The following NKAIN1 variants were observed in gnomAD, a reference collection of about 807,000 sequenced individuals.
NKAIN1 encodes the protein sodium/potassium transporting ATPase interacting 1, also known as sodium/potassium-transporting ATPase subunit beta-1-interacting protein 1.
In NKAIN1, 13 loss-of-function variants were observed where a neutral mutation model predicts 31.6. The ratio of observed to expected loss-of-function variants is 0.41; its 90% CI spans 0.27 to 0.65. The LOEUF is 0.65. Ranked by LOEUF, NKAIN1 falls within the 30% of genes least tolerant of loss-of-function variation. The pLI, the probability that NKAIN1 is intolerant of heterozygous loss-of-function variation, is 0.30. For missense variants in NKAIN1, 193 were observed against 262.2 expected (o/e 0.74, Z 1.82); for synonymous variants, 104 against 109.0 (o/e 0.95, Z 0.28).
At position 31,188,176 on chromosome 1, in the gene NKAIN1, C is replaced by A. The variant is rs533278447; in HGVS notation, c.66G>T (p.Leu22=). The A allele has an allele frequency of 7.1e-6, 11 of 1,551,526 alleles. No homozygotes were observed. The East Asian group carries it at 2.2e-4, about 31-fold the overall frequency. ...CCAGGAAGTCAAAGATCTGCCGCTC[C>A]AGCGCAGCCACCTGTGGAAGAGACA... ...AFCCLQLVAA[L]ERQIFDFLGY... is the part of the protein sequence containing the mutation. The change falls in exon 2 of 7, where the codon CTG becomes CTT. Residue 22 remains leucine, a synonymous_variant. Transcript: ENST00000373736.
At chr1:31,187,650 A>G (rs1181229286) in intron 2 of NKAIN1, among the ~76,000 whole-genome samples, 1 of 152,042 alleles carries the variant, frequency 6.6e-6, no homozygotes, top group East Asian at 1.9e-4. Flanking sequence ...TGCTTTCATT[A>G]GCTGTGTGAC....
At position 31,183,711 on chromosome 1, in the gene NKAIN1, G is replaced by A. The variant is rs561076757; in HGVS notation, c.471+106C>T. The A allele has an allele frequency of 3.5e-5, 43 of 1,213,874 alleles. No homozygotes were observed. The African/African-American group carries it at 4.5e-4, about 13-fold the overall frequency. The allele number at this position is 1,213,874 out of a possible 1,614,324, so 75.2% of individuals were successfully genotyped here. ...GATCCACCAGCCATGGCCTCCCAAAGTGCTGGGATTGCAGGCGTGAGCCAC... is the reference window on the plus strand; with the variant it reads ...GATCCACCAGCCATGGCCTCCCAAAATGCTGGGATTGCAGGCGTGAGCCAC... On this transcript the variant is annotated intron_variant, in intron 4 of 6. Transcript: ENST00000373736.
Position 31,239,478 on chromosome 1 carries a change from G to A in NKAIN1, c.54+16C>T, listed in dbSNP as rs1308013438. 3 of 1,441,194 alleles carry A rather than the reference G, an allele frequency of 2.1e-6. No homozygotes were observed. The highest frequency in any genetic ancestry group is 9.1e-7 in the Non-Finnish European group (1 of 1,102,232). 89.3% of individuals were successfully genotyped at this position (1,441,194 alleles called of 1,614,324 possible). ...CGCCCCACCCTGCCCCGACTGCCTGGGCACGCGACGCTTACCAGCTGCAGG... is the reference window on the plus strand; with the variant it reads ...CGCCCCACCCTGCCCCGACTGCCTGAGCACGCGACGCTTACCAGCTGCAGG... On this transcript the variant is annotated intron_variant, in intron 1 of 6. Transcript: ENST00000373736. This position sits in a 1 kb window ranked among gnomAD's most constrained non-coding sequence, Gnocchi z 4.8.
intron 1 of NKAIN1, among the ~76,000 whole-genome samples, chr1:31,195,654 G>T (rs1448634061): frequency 1.3e-5 from 2 of 152,104 alleles, no homozygotes; most frequent in Admixed American, 1.3e-4. Context: ...GGGTATAATG[G>T]CTCATGCCTG....
At chr1:31,184,274 A>C (rs1412595017) in intron 3 of NKAIN1, among the ~76,000 whole-genome samples, 1 of 152,166 alleles carries the variant, frequency 6.6e-6, no homozygotes, top group Non-Finnish European at 1.5e-5. Context: ...TCCCAGCCAC[A>C]GGTGAAATCC....
Position 31,181,932 on chromosome 1 carries a change from A to G in NKAIN1, c.542T>C (p.Ile181Thr), listed in dbSNP as rs773114853. 1.2e-6 allele frequency: 2 copies of G among 1,607,748 alleles called. No homozygotes were observed. Among genetic ancestry groups the G allele is most frequent in the Non-Finnish European group, 1.7e-6 (2 of 1,177,740 alleles). The stretch of plus-strand genomic sequence containing the variant: ...GTATCCGTAGGAGTCAAAGCCGCCG[A>G]TGAAGTCAACTGCGGAAGAGGGGCG... ...FLEEEDSFDF[I>T]GGFDSYGYQA... is the part of the protein sequence containing the mutation. Residue 181 changes from isoleucine (I) to threonine (T), a missense_variant, in exon 6 of 7, where the codon ATC becomes ACC. Physicochemically the swap from Ile to Thr is moderately conservative, Grantham distance 89. Transcript: ENST00000373736.
At chr1:31,218,784 G>C (rs997025293) in intron 1 of NKAIN1, among the ~76,000 whole-genome samples, 26 of 152,194 alleles carry the variant, frequency 1.7e-4, no homozygotes, top group African/African-American at 5.8e-4. Flanking sequence ...GACAACCACA[G>C]TGTGATTCCC....
chr1:31,182,452 G>A, intron 5 of NKAIN1, 78 bp downstream of exon 5: 4 of 1,529,642 alleles, frequency 2.6e-6, no homozygotes, highest in Non-Finnish European at 3.6e-6. Context: ...CTCCCGCCGG[G>A]GCCAGTCACA....
At chr1:31,186,517 GTA>G (rs1645245811) in intron 2 of NKAIN1, among the ~76,000 whole-genome samples, 1 of 150,726 alleles carries the variant, frequency 6.6e-6, no homozygotes, top group South Asian at 2.1e-4. Context: ...TTGTGCCTGA[GTA>G]TGTGTGTGAC....
chr1:31,230,862 T>C (rs1404370919), intron 1 of NKAIN1, among the ~76,000 whole-genome samples: 1 of 149,436 alleles, frequency 6.7e-6, no homozygotes, highest in Non-Finnish European at 1.5e-5. Flanking sequence ...AATAATCCAA[T>C]CATACTCTTT....
intron 1 of NKAIN1, among the ~76,000 whole-genome samples, chr1:31,232,396 C>CATAT (rs371123492): frequency 0.017 from 106 of 6,352 alleles, 10 homozygotes; most frequent in South Asian, 0.08. Flanking sequence ...TGGCCTACTT[C>CATAT]ATATATATAT....
intron 1 of NKAIN1, among the ~76,000 whole-genome samples, chr1:31,209,596 G>T: frequency 6.6e-6 from 1 of 152,038 alleles, no homozygotes; most frequent in Non-Finnish European, 1.5e-5. Context: ...ATGCAGCATT[G>T]CTTCAGCCCA....
rs1245126572 is a variant in NKAIN1, at chr1:31,185,395, CAG to C, written c.193-70_193-69del. The C allele has an allele frequency of 3.1e-6, 4 of 1,276,812 alleles. No individual in the cohort carries two copies. In the Admixed American group the frequency reaches 5.9e-5, roughly 19 times the overall value. 79.1% of individuals were successfully genotyped at this position (1,276,812 alleles called of 1,614,324 possible). On this transcript the variant is annotated intron_variant, in intron 2 of 6. Transcript: ENST00000373736. ...GGGGGATGGGGAGTGTCAATGGAGA[CAG>C]AGCTCAGGGATGAGGAGATCTGGGC...
At chr1:31,210,104 C>T (rs1645456227) in intron 1 of NKAIN1, among the ~76,000 whole-genome samples, 1 of 152,010 alleles carries the variant, frequency 6.6e-6, no homozygotes, top group African/African-American at 2.4e-5. Flanking sequence ...AGTTCACGCC[C>T]ACCAAATTCA....
Position 31,200,458 on chromosome 1 carries a change from C to CTCT in NKAIN1, c.55-12272_55-12271insAGA, listed in dbSNP as rs1553162490. ...AAGTTGGACCAGAAGTCTCCTCTCT[C>CTCT]TTTTTTTTTTTTTTTTTTTGAGACA... On this transcript the variant is annotated intron_variant, in intron 1 of 6. Transcript: ENST00000373736. Among the ~76,000 whole-genome samples, 573 of 121,880 alleles carry CTCT rather than the reference C, an allele frequency of 4.7e-3. 3 individuals carry two copies. Among genetic ancestry groups the CTCT allele is most frequent in the African/African-American group, 0.017 (532 of 31,944 alleles). The allele number at this position is 121,880 out of a possible 152,430, so 80.0% of individuals were successfully genotyped here. A position where few individuals can be genotyped will look rare whatever the true frequency, so the allele number is the denominator to read the frequency against.
chr1:31,222,316 T>C (rs1445022306), intron 1 of NKAIN1, among the ~76,000 whole-genome samples: 1 of 152,190 alleles, frequency 6.6e-6, no homozygotes, highest in African/African-American at 2.4e-5. Context: ...CTGCAGAACA[T>C]GTGTGTATCT....
chr1:31,200,996 C>A (rs1036884574), intron 1 of NKAIN1, among the ~76,000 whole-genome samples: 1 of 152,066 alleles, frequency 6.6e-6, no homozygotes, highest in Non-Finnish European at 1.5e-5. Context: ...CCATGCCTGG[C>A]TAATTTTTGT....
chr1:31,187,516 G>A (rs920560462), intron 2 of NKAIN1, among the ~76,000 whole-genome samples: 1 of 152,158 alleles, frequency 6.6e-6, no homozygotes, highest in Non-Finnish European at 1.5e-5. Context: ...CCTTCCTGAA[G>A]CTTCTTGAGA....
chr1:31,203,214 G>A (rs1234804843), intron 1 of NKAIN1, among the ~76,000 whole-genome samples: 1 of 151,890 alleles, frequency 6.6e-6, no homozygotes, highest in Admixed American at 6.6e-5. Flanking sequence ...GCAGTAAGCC[G>A]AGATTGCGCC....
Sources: gnomAD v4.1 joint callset for allele counts (sites outside exome capture counted in the v4.1 genomes callset) on GRCh38, gnomAD v4.1.1 for gene constraint, Gnocchi (gnomAD v3.1) non-coding constraint, MANE v1.5 for transcripts, NCBI Gene and HGNC (gene_info 2026-07-23, HGNC 2026-07-21) for gene names.